ETFBKMT: variants seen among roughly 807,000 people sequenced by gnomAD.
ETFBKMT encodes the protein electron transfer flavoprotein subunit beta lysine methyltransferase, also known as electron transfer flavoprotein beta subunit lysine methyltransferase.
Under a neutral mutation model 18.3 loss-of-function variants are expected in ETFBKMT, and 13 were observed. The observed-to-expected ratio is 0.71, with a 90% CI of 0.46 to 1.13. The LOEUF (loss-of-function observed/expected upper bound fraction) is 1.13. ETFBKMT is among the 50% of genes most tolerant of loss of function. The pLI, the probability that ETFBKMT is intolerant of heterozygous loss-of-function variation, is 0.00. For synonymous variants in ETFBKMT, 84 were observed against 107.9 expected (o/e 0.78, Z 1.37); for missense variants, 293 against 306.2 (o/e 0.96, Z 0.32).
At position 31,662,292 on chromosome 12, in the gene ETFBKMT, G is replaced by A. The variant is rs1480009638; in HGVS notation, c.314+25G>A. On this transcript the variant is annotated intron_variant, in intron 2 of 3. Transcript: ENST00000357721. The stretch of plus-strand genomic sequence containing the variant: ...GGTACTACCCTAATGAAACCTTTAA[G>A]GCGCTACAGATCTTTGCTGTTTTCA... 10 of 1,605,906 alleles carry A rather than the reference G, an allele frequency of 6.2e-6. No individual in the cohort carries two copies. The South Asian group carries it at 8.8e-5, about 14-fold the overall frequency.
upstream of ETFBKMT, among the ~76,000 whole-genome samples, chr12:31,656,347 G>C (rs569402124): frequency 6.6e-6 from 1 of 152,174 alleles, no homozygotes; most frequent in South Asian, 2.1e-4. Flanking sequence ...CTAGGGATGA[G>C]AGAACAAGGC....
At chr12:31,665,035 C>G (rs1951176573) in intron 2 of ETFBKMT, among the ~76,000 whole-genome samples, 1 of 147,710 alleles carries the variant, frequency 6.8e-6, no homozygotes, top group Admixed American at 6.9e-5. Flanking sequence ...CTCCTGGGTT[C>G]AAGCAATTCT....
At position 31,672,345 on chromosome 12, in the gene ETFBKMT, C is replaced by T. The variant is rs767926580; in HGVS notation, c.*4355C>T. On this transcript the variant is annotated 3_prime_UTR_variant, in exon 4 of 4. Transcript: ENST00000357721. ...GTCACTTGCTTTAGTTTGTTTGGGC[C>T]TACTAATTGCTCCAACACTTCTCGG... is the stretch of plus-strand genomic sequence containing the variant. The T allele has an allele frequency of 1.9e-6, 3 of 1,578,380 alleles. No individual in the cohort carries two copies. In the South Asian group the frequency reaches 3.5e-5, roughly 18 times the overall value.
intron 1 of ETFBKMT, among the ~76,000 whole-genome samples, chr12:31,652,813 TTGAG>T (rs1482716920): frequency 1.3e-5 from 2 of 152,226 alleles, no homozygotes; most frequent in Non-Finnish European, 1.5e-5. Flanking sequence ...GAGAGAAAGA[TTGAG>T]AGAGAATGTG....
At chr12:31,654,876 T>G (rs555451409), upstream of ETFBKMT, among the ~76,000 whole-genome samples, 7 of 152,022 alleles carry the variant, frequency 4.6e-5, no homozygotes, top group Admixed American at 4.6e-4. Flanking sequence ...GCTAACATGG[T>G]GAAACGCTGT....
Position 31,662,170 on chromosome 12 carries a change from A to T in ETFBKMT, c.217A>T (p.Thr73Ser), listed in dbSNP as rs765824054. 1.2e-6 allele frequency: 2 copies of T among 1,614,050 alleles called. No individual in the cohort carries two copies. Among genetic ancestry groups the T allele is most frequent in the Non-Finnish European group, 1.7e-6 (2 of 1,180,012 alleles). ...CCCTGAAATCCAGTTGCGGCTTTTGACCCCCAGATGCAAATTCTGGTGGGA... is the reference window on the plus strand; with the variant it reads ...CCCTGAAATCCAGTTGCGGCTTTTGTCCCCCAGATGCAAATTCTGGTGGGA... ...LTPEIQLRLL[T>S]PRCKFWWERA... Residue 73 changes from threonine to serine, a missense_variant, in exon 2 of 4, where the codon ACC (threonine) becomes TCC (serine). Coordinates refer to ENST00000357721, the MANE Select transcript of ETFBKMT (RefSeq NM_001135863.2).
intron 2 of ETFBKMT, among the ~76,000 whole-genome samples, chr12:31,665,654 C>G (rs1461797895): frequency 6.6e-6 from 1 of 152,104 alleles, no homozygotes; most frequent in African/African-American, 2.4e-5. Flanking sequence ...CTGAGAGCCC[C>G]GAACAGAGAT....
intron 2 of ETFBKMT, among the ~76,000 whole-genome samples, chr12:31,664,976 AC>A (rs1951175712): frequency 7.9e-6 from 1 of 126,930 alleles, no homozygotes. Flanking sequence ...TTACTCTGTC[AC>A]CCAGGCTGGA....
upstream of ETFBKMT, chr12:31,659,243 G>C (rs1268804337): frequency 6.6e-6 from 1 of 152,292 alleles, no homozygotes; most frequent in Admixed American, 6.5e-5. Context: ...CTCTGCTAGA[G>C]CGTGGCTCAG....
chr12:31,655,734 T>G (rs1235628752), upstream of ETFBKMT, among the ~76,000 whole-genome samples: 1 of 152,218 alleles, frequency 6.6e-6, no homozygotes, highest in Non-Finnish European at 1.5e-5. Context: ...TGCATGTCTT[T>G]TCTCTTAAAG....
chr12:31,656,931 G>A (rs1951067054), upstream of ETFBKMT, among the ~76,000 whole-genome samples: 1 of 152,154 alleles, frequency 6.6e-6, no homozygotes, highest in African/African-American at 2.4e-5. Flanking sequence ...CACTGTAATA[G>A]CATACTTAGC....
At chr12:31,664,835 G>A (rs912184518) in intron 2 of ETFBKMT, among the ~76,000 whole-genome samples, 6 of 151,208 alleles carry the variant, frequency 4.0e-5, no homozygotes, top group South Asian at 2.1e-4. Context: ...GGCTGGTCTC[G>A]AACTCCTGAC....
intron 1 of ETFBKMT, among the ~76,000 whole-genome samples, chr12:31,652,308 C>T (rs1951024842): frequency 6.6e-6 from 1 of 152,114 alleles, no homozygotes; most frequent in Non-Finnish European, 1.5e-5. Flanking sequence ...TGTCAGTGTC[C>T]TAAATTTTCC....
chr12:31,672,605 A>C lies in ETFBKMT; in HGVS notation c.*4615A>C. 2.6e-6 allele frequency: 1 copy of C among 381,282 alleles called. No homozygotes were observed. Among genetic ancestry groups the C allele is most frequent in the Non-Finnish European group, 4.7e-6 (1 of 210,862 alleles). The allele number at this position is 381,282 out of a possible 1,614,324, so 23.6% of individuals were successfully genotyped here. A position where few individuals can be genotyped will look rare whatever the true frequency, so the allele number is the denominator to read the frequency against. ...ATGGTATTACTTGTTTAAAAAAAAA[A>C]AACAGGCATTTGTTGTTTTCTCTGT... is the stretch of plus-strand genomic sequence containing the variant. On this transcript the variant is annotated 3_prime_UTR_variant, in exon 4 of 4. Coordinates refer to ENST00000357721, the MANE Select transcript of ETFBKMT (RefSeq NM_001135863.2).
intron 1 of ETFBKMT, among the ~76,000 whole-genome samples, chr12:31,649,768 T>C (rs901691108): frequency 3.0e-5 from 2 of 66,852 alleles, no homozygotes; most frequent in Admixed American, 1.9e-4. Flanking sequence ...CTTTTCCTTT[T>C]CTTTTTTTTT....
intron 1 of ETFBKMT, among the ~76,000 whole-genome samples, chr12:31,648,835 A>G (rs1272580748): frequency 2.0e-5 from 3 of 152,028 alleles, no homozygotes; most frequent in East Asian, 3.9e-4. Flanking sequence ...TGCTGGGATT[A>G]CAGGCGTGAG....
At chr12:31,648,092 A>C (rs1399160328) in intron 1 of ETFBKMT, among the ~76,000 whole-genome samples, 1 of 152,226 alleles carries the variant, frequency 6.6e-6, no homozygotes, top group Non-Finnish European at 1.5e-5. Context: ...CATTATTCAT[A>C]ATAGCCAGAA....
At chr12:31,651,705 A>G (rs1315612376) in intron 1 of ETFBKMT, among the ~76,000 whole-genome samples, 1 of 152,180 alleles carries the variant, frequency 6.6e-6, no homozygotes, top group Non-Finnish European at 1.5e-5. Context: ...CAATGGACCT[A>G]TACAGATAAA....
chr12:31,661,609 G>A (rs1271981242), intron 1 of ETFBKMT, among the ~76,000 whole-genome samples: 2 of 151,936 alleles, frequency 1.3e-5, no homozygotes, highest in East Asian at 1.9e-4. Context: ...ACAGGTACCC[G>A]CCACCACGCC....
Sources: gnomAD v4.1 joint callset for allele counts (sites outside exome capture counted in the v4.1 genomes callset) on GRCh38, gnomAD v4.1.1 for gene constraint, MANE v1.5 for transcripts, NCBI Gene and HGNC (gene_info 2026-07-23, HGNC 2026-07-21) for gene names.